The following CDKN2C variants were observed in gnomAD, a reference collection of about 807,000 sequenced individuals.
CDKN2C encodes the protein cyclin-dependent kinase 4 inhibitor C.
A neutral mutation model predicts 11.0 loss-of-function variants in CDKN2C; 5 were observed. The observed-to-expected ratio is 0.45, with a 90% CI of 0.24 to 0.95. The LOEUF is 0.95. Ranked by LOEUF, CDKN2C falls within the 40% of genes least tolerant of loss-of-function variation. The pLI, the probability that CDKN2C is intolerant of heterozygous loss-of-function variation, is 0.21. For missense variants in CDKN2C, 161 were observed against 211.9 expected (o/e 0.76, Z 1.49); for synonymous variants, 79 against 88.3 (o/e 0.89, Z 0.59).
upstream of CDKN2C, chr1:50,967,838 G>A (rs947749060): frequency 2.0e-5 from 3 of 152,054 alleles, no homozygotes; most frequent in African/African-American, 7.2e-5. Flanking sequence ...AGAGAACTTC[G>A]GCAACCAAGA....
upstream of CDKN2C, chr1:50,970,187 C>G (rs1645371853): frequency 2.9e-6 from 2 of 694,826 alleles, no homozygotes. Flanking sequence ...ACGTGTGAAT[C>G]GAGGGGCGGG....
rs879223606 is a variant in CDKN2C at position 50,970,324 on chromosome 1, A to G, written c.-45A>G. ...TAGGAGCAAAGGAAAGGGGAAAAAG[A>G]AAAACGACTAATTCATCTTTTCCTG... On this transcript the variant is annotated 5_prime_UTR_variant, in exon 1 of 2. Coordinates refer to ENST00000371761, the MANE Select transcript of CDKN2C (RefSeq NM_078626.3). 1.2e-6 allele frequency: 2 copies of G among 1,612,276 alleles called. No individual in the cohort carries two copies. Among genetic ancestry groups the G allele is most frequent in the South Asian group, 2.2e-5 (2 of 91,014 alleles).
At position 50,964,879 on chromosome 1, in the gene CDKN2C, C is replaced by T. The variant is rs1340058478; in HGVS notation, c.-1975-3057C>T. On this transcript the variant is annotated intron_variant, in intron 1 of 3. Coordinates refer to the CDKN2C transcript ENST00000262662. The stretch of plus-strand genomic sequence containing the variant: ...GACCAGCCTGACCAACATGGTGAAA[C>T]CCTGTCTCTACTAAAGATACAAAAA... Among the ~76,000 whole-genome samples the T allele has an allele frequency of 4.6e-5, 7 of 151,918 alleles. No individual in the cohort carries two copies. In the South Asian group the frequency reaches 1.5e-3, roughly 32 times the overall value.
chr1:50,968,749 T>C (rs1366595902), upstream of CDKN2C: 2 of 151,916 alleles, frequency 1.3e-5, no homozygotes, highest in Non-Finnish European at 2.9e-5. Context: ...GTTTTTCAAC[T>C]CAAAAAGCGC....
upstream of CDKN2C, among the ~76,000 whole-genome samples, chr1:50,965,563 T>C (rs936498487): frequency 5.3e-5 from 8 of 151,742 alleles, no homozygotes; most frequent in African/African-American, 1.7e-4. Context: ...AGAAAAATTA[T>C]CCAGGCATGG....
At chr1:50,966,941 AAT>A (rs1483357712), upstream of CDKN2C, among the ~76,000 whole-genome samples, 1 of 152,204 alleles carries the variant, frequency 6.6e-6, no homozygotes, top group Non-Finnish European at 1.5e-5. Context: ...CAAAAATCTT[AAT>A]ACAACTCTGT....
At chr1:50,962,323 G>C (rs759270082) in intron 1 of CDKN2C, among the ~76,000 whole-genome samples, 1 of 152,232 alleles carries the variant, frequency 6.6e-6, no homozygotes, top group African/African-American at 2.4e-5. Context: ...GGTGGAGGTT[G>C]CAGTGTGAAC....
In CDKN2C at chr1:50,970,318, A is replaced by C; in HGVS notation, c.-51A>C. The C allele has an allele frequency of 1.2e-6, 2 of 1,610,322 alleles. No individual in the cohort carries two copies. The highest frequency in any genetic ancestry group is 1.7e-6 in the Non-Finnish European group (2 of 1,179,044). ...CCTGGTTAGGAGCAAAGGAAAGGGG[A>C]AAAAGAAAAACGACTAATTCATCTT... On this transcript the variant is annotated 5_prime_UTR_variant, in exon 1 of 2. Transcript: ENST00000371761.
rs571292301 is a variant in CDKN2C at position 50,963,286 on chromosome 1, C to T, written c.-1976+2483C>T. 1.9e-4 allele frequency among the ~76,000 whole-genome samples: 29 copies of T among 152,160 alleles called. No homozygotes were observed. In the South Asian group the frequency reaches 2.3e-3, roughly 12 times the overall value. The stretch of plus-strand genomic sequence containing the variant: ...TTGAAAGTTTCTTGAGATTATAAAC[C>T]GCTTTATGCCATGTGTTTTTATATT... On this transcript the variant is annotated intron_variant, in intron 1 of 3. Coordinates refer to the CDKN2C transcript ENST00000262662.
upstream of CDKN2C, among the ~76,000 whole-genome samples, chr1:50,966,718 C>A (rs1163852117): frequency 1.3e-4 from 19 of 148,368 alleles, no homozygotes; most frequent in Non-Finnish European, 2.7e-4. Flanking sequence ...TGCTTCAGGG[C>A]ACCAGCAAAA....
At chr1:50,964,136 A>T (rs1186750929) in intron 1 of CDKN2C, among the ~76,000 whole-genome samples, 2 of 152,178 alleles carry the variant, frequency 1.3e-5, no homozygotes, top group Non-Finnish European at 2.9e-5. Context: ...AAAACTAGGA[A>T]ATTAACACTG....
At chr1:50,965,366 T>C (rs1027793729), upstream of CDKN2C, among the ~76,000 whole-genome samples, 2 of 151,684 alleles carry the variant, frequency 1.3e-5, no homozygotes, top group Admixed American at 1.3e-4. Flanking sequence ...GGTGTGGTAG[T>C]GGGCGCCTGT....
upstream of CDKN2C, chr1:50,969,670 C>T (rs891509679): frequency 1.3e-5 from 2 of 157,710 alleles, no homozygotes; most frequent in African/African-American, 4.8e-5. This position sits in a 1 kb window ranked among gnomAD's most constrained non-coding sequence, Gnocchi z 6.6. Context: ...GAGCACTGGG[C>T]AATCGTTACG....
At chr1:50,964,158 T>C (rs1455681213) in intron 1 of CDKN2C, among the ~76,000 whole-genome samples, 2 of 152,232 alleles carry the variant, frequency 1.3e-5, no homozygotes, top group Non-Finnish European at 2.9e-5. Context: ...TAAATACTAC[T>C]AGTTAAATTC....
upstream of CDKN2C, chr1:50,968,655 G>T (rs1325153076): frequency 6.6e-6 from 1 of 152,198 alleles, no homozygotes; most frequent in African/African-American, 2.4e-5. Flanking sequence ...AGGGCGGGGC[G>T]TGGGCGGCGC....
intron 1 of CDKN2C, among the ~76,000 whole-genome samples, chr1:50,963,427 A>G (rs1363672617): frequency 6.6e-6 from 1 of 152,208 alleles, no homozygotes; most frequent in East Asian, 1.9e-4. Context: ...ACTTTATCTC[A>G]TTTAATATTT....
At chr1:50,973,039 C>T (rs1365756089) in intron 1 of CDKN2C, among the ~76,000 whole-genome samples, 1 of 152,124 alleles carries the variant, frequency 6.6e-6, no homozygotes, top group Non-Finnish European at 1.5e-5. Context: ...GTGACTATTT[C>T]ATTATTTTCA....
chr1:50,973,209 T>C (rs3176468), intron 1 of CDKN2C, among the ~76,000 whole-genome samples: 17,717 of 152,192 alleles, frequency 0.12, 1,251 homozygotes, highest in African/African-American at 0.2. Flanking sequence ...ATTCTAAACA[T>C]TGAATACACC....
intron 1 of CDKN2C, among the ~76,000 whole-genome samples, chr1:50,961,687 T>C (rs1202335125): frequency 6.6e-6 from 1 of 152,198 alleles, no homozygotes; most frequent in Non-Finnish European, 1.5e-5. Context: ...TAAGAACTTT[T>C]TAAACTTGTA....
Sources: allele counts gnomAD v4.1 joint callset (sites outside exome capture counted in the v4.1 genomes callset), GRCh38; gene constraint gnomAD v4.1.1; non-coding constraint Gnocchi (gnomAD v3.1); transcripts MANE v1.5; gene names NCBI Gene and HGNC (gene_info 2026-07-23, HGNC 2026-07-21).